The following ELF1 variants were observed in gnomAD, a reference collection of about 807,000 sequenced individuals.
ELF1 encodes E74 like ETS transcription factor 1.
ELF1 carries 24 observed loss-of-function variants against 59.9 expected under a neutral mutation model. The observed-to-expected ratio is 0.40, with a 90% CI of 0.29 to 0.56. ELF1 has a LOEUF of 0.56. Among genes scored for constraint, ELF1 ranks in the 20% least tolerant of loss-of-function variants. The pLI is 0.44. For missense variants in ELF1, 627 were observed against 742.2 expected (o/e 0.84, Z 1.80); for synonymous variants, 248 against 266.2 (o/e 0.93, Z 0.67).
At chr13:40,995,572 T>C (rs1203610314) in intron 1 of ELF1, among the ~76,000 whole-genome samples, 1 of 151,830 alleles carries the variant, frequency 6.6e-6, no homozygotes, top group Non-Finnish European at 1.5e-5. Context: ...CACATAAATA[T>C]AGTCAACCAT....
At chr13:41,057,035 T>C (rs1434310010) in intron 1 of ELF1, among the ~76,000 whole-genome samples, 1 of 152,216 alleles carries the variant, frequency 6.6e-6, no homozygotes, top group East Asian at 1.9e-4. Context: ...GTTGGACCTA[T>C]GAGACCATGA....
intron 2 of ELF1, among the ~76,000 whole-genome samples, chr13:40,967,996 T>C (rs535342679): frequency 7.7e-4 from 118 of 152,328 alleles, no homozygotes; most frequent in Non-Finnish European, 4.1e-4. Context: ...TTAATGAGAA[T>C]AGTCTTTTCA....
intron 1 of ELF1, among the ~76,000 whole-genome samples, chr13:41,000,890 T>C (rs1874394251): frequency 6.6e-6 from 1 of 151,920 alleles, no homozygotes; most frequent in Admixed American, 6.6e-5. Flanking sequence ...ATAAAATAAA[T>C]AATTAGATAC....
intron 1 of ELF1, among the ~76,000 whole-genome samples, chr13:41,035,514 C>T (rs901891498): frequency 1.3e-5 from 2 of 151,964 alleles, no homozygotes; most frequent in African/African-American, 4.8e-5. Flanking sequence ...ACTTTCCTGA[C>T]TTAATCTAAA....
chr13:40,951,292 A>C, intron 4 of ELF1, 37 bp downstream of exon 4: 1 of 1,495,824 alleles, frequency 6.7e-7, no homozygotes, highest in Non-Finnish European at 9.2e-7. Context: ...GAGTAACTTA[A>C]CAAAGTACAT....
At chr13:40,991,023 G>T (rs1566182507) in intron 1 of ELF1, among the ~76,000 whole-genome samples, 1 of 152,142 alleles carries the variant, frequency 6.6e-6, no homozygotes. Context: ...CATGTGATAA[G>T]CATGGCACTT....
chr13:41,022,931 CAGAA>C (rs1324400315), upstream of ELF1, among the ~76,000 whole-genome samples: 3 of 151,414 alleles, frequency 2.0e-5, no homozygotes, highest in East Asian at 1.9e-4. Flanking sequence ...TACCCCAGAA[CAGAA>C]AGAAAGAAAG....
Position 40,982,255 on chromosome 13 carries a change from A to C in ELF1, c.-201T>G. On this transcript the variant is annotated 5_prime_UTR_variant, in exon 2 of 9. Coordinates refer to ENST00000239882, the MANE Select transcript of ELF1 (RefSeq NM_172373.4). ...TAGTCAAATTGAGACAATTTTTCTG[A>C]AATTTTTCTTCTCTCAAGCTTCTTG... The C allele has an allele frequency of 7.9e-7, 1 of 1,270,324 alleles. No homozygotes were observed. Among genetic ancestry groups the C allele is most frequent in the Non-Finnish European group, 9.9e-7 (1 of 1,007,554 alleles). 78.7% of individuals were successfully genotyped at this position (1,270,324 alleles called of 1,614,324 possible).
chr13:40,943,196 C>G, intron 6 of ELF1, 52 bp from the exon 7 acceptor site: 5 of 1,415,184 alleles, frequency 3.5e-6, no homozygotes, highest in Non-Finnish European at 4.7e-6. Context: ...TTTAAAAGAA[C>G]CTCAAAAAAG....
At chr13:41,057,392 CT>C (rs893210601) in intron 1 of ELF1, among the ~76,000 whole-genome samples, 10 of 151,386 alleles carry the variant, frequency 6.6e-5, no homozygotes, top group South Asian at 2.1e-4. Context: ...CACTTTTTCT[CT>C]TTTTTTTCCC....
chr13:40,993,449 C>A, intron 1 of ELF1: 1 of 616,736 alleles, frequency 1.6e-6, no homozygotes, highest in South Asian at 2.0e-5. Flanking sequence ...TGCTACTATC[C>A]GCCCAACTTA....
intron 1 of ELF1, among the ~76,000 whole-genome samples, chr13:41,056,080 T>C (rs1877277158): frequency 6.6e-6 from 1 of 152,224 alleles, no homozygotes; most frequent in South Asian, 2.1e-4. Flanking sequence ...AGTGCATTTA[T>C]AGAGTTATAG....
chr13:40,984,852 T>C (rs1452723193), intron 1 of ELF1, among the ~76,000 whole-genome samples: 1 of 152,202 alleles, frequency 6.6e-6, no homozygotes, highest in Non-Finnish European at 1.5e-5. Flanking sequence ...TTTCACTTTC[T>C]TTTCCACTGC....
intron 5 of ELF1, among the ~76,000 whole-genome samples, chr13:40,946,162 A>C (rs1230246670): frequency 1.3e-5 from 2 of 152,178 alleles, no homozygotes; most frequent in African/African-American, 4.8e-5. Flanking sequence ...TATTTCTATA[A>C]ATTCCATTTG....
chr13:40,973,221 C>T (rs7338938), intron 2 of ELF1, among the ~76,000 whole-genome samples: 1,591 of 152,210 alleles, frequency 0.01, 36 homozygotes, highest in African/African-American at 0.036. Flanking sequence ...TTCCTGGTCT[C>T]GTATCTTCAG....
At chr13:40,959,120 T>C in intron 2 of ELF1, 104 bp from the exon 3 acceptor site, 1 of 1,407,346 alleles carries the variant, frequency 7.1e-7, no homozygotes, top group Non-Finnish European at 9.3e-7. Flanking sequence ...CAATTTAATT[T>C]TTAGATCATC....
chr13:41,044,738 TA>T (rs1163174563), intron 1 of ELF1, among the ~76,000 whole-genome samples: 1 of 152,218 alleles, frequency 6.6e-6, no homozygotes, highest in African/African-American at 2.4e-5. Flanking sequence ...TCATCAGGGA[TA>T]TTGATCTAAA....
chr13:41,015,237 A>C (rs1453064920), intron 1 of ELF1, among the ~76,000 whole-genome samples: 2 of 152,134 alleles, frequency 1.3e-5, no homozygotes, highest in Non-Finnish European at 2.9e-5. Flanking sequence ...TTAAAAAACA[A>C]AGATTATTTA....
chr13:40,955,210 G>T (rs1318060632), intron 3 of ELF1, among the ~76,000 whole-genome samples: 1 of 149,434 alleles, frequency 6.7e-6, no homozygotes, highest in Non-Finnish European at 1.5e-5. Flanking sequence ...CCCTCCGCCC[G>T]GCAGCCACTC....
Sources: gnomAD v4.1 joint callset for allele counts (sites outside exome capture counted in the v4.1 genomes callset) on GRCh38, gnomAD v4.1.1 for gene constraint, MANE v1.5 for transcripts, NCBI Gene and HGNC (gene_info 2026-07-23, HGNC 2026-07-21) for gene names.